Variants in SETD3 observed in about 807,000 individuals in gnomAD.
SETD3 encodes the protein actin-histidine N-methyltransferase.
A neutral mutation model predicts 63.0 loss-of-function variants in SETD3; 19 were observed. The observed-to-expected ratio is 0.30, with a 90% CI of 0.21 to 0.44. The LOEUF (loss-of-function observed/expected upper bound fraction) is 0.44, where lower values mean the gene tolerates loss of function less well. SETD3 is among the 20% of genes least tolerant of loss of function. SETD3 has a pLI of 1.00. For synonymous variants in SETD3, 286 were observed against 264.1 expected (o/e 1.08, Z -0.80); for missense variants, 587 against 728.5 (o/e 0.81, Z 2.24).
rs925387623 is a variant in SETD3, at chr14:99,405,085, G to A, written c.1091+120C>T. ...TGGCTTAAATTTGCTGTGCCACGGG[G>A]ATAAACGGATTAAGACAAACTACTG... On this transcript the variant is annotated intron_variant, in intron 10 of 12. Transcript: ENST00000331768. The A allele has an allele frequency of 4.4e-6, 6 of 1,371,924 alleles. No individual in the cohort carries two copies. In the African/African-American group the frequency reaches 8.8e-5, roughly 20 times the overall value. 85.0% of individuals were successfully genotyped at this position (1,371,924 alleles called of 1,614,324 possible). A position where few individuals can be genotyped will look rare whatever the true frequency, so the allele number is the denominator to read the frequency against.
At chr14:99,426,681 C>T (rs569500445) in intron 6 of SETD3, among the ~76,000 whole-genome samples, 1 of 152,324 alleles carries the variant, frequency 6.6e-6, no homozygotes, top group African/African-American at 2.4e-5. Context: ...TAAGAGACTG[C>T]CCATCTAGTA....
At chr14:99,481,258 T>A, upstream of SETD3, 1 of 395,892 alleles carries the variant, frequency 2.5e-6, no homozygotes, top group Non-Finnish European at 4.4e-6. Flanking sequence ...CAGCAGCCAC[T>A]GACCCGCGGG....
At chr14:99,442,935 A>G (rs1294458144) in intron 6 of SETD3, among the ~76,000 whole-genome samples, 2 of 152,160 alleles carry the variant, frequency 1.3e-5, no homozygotes, top group East Asian at 3.9e-4. Context: ...ACAGTGGCCC[A>G]AAGAACGACC....
chr14:99,432,828 C>T (rs918245150), intron 6 of SETD3, among the ~76,000 whole-genome samples: 4 of 152,234 alleles, frequency 2.6e-5, no homozygotes, highest in Middle Eastern at 3.4e-3. Flanking sequence ...GTTTACAGCA[C>T]CCCAGGCCCA....
intron 11 of SETD3, among the ~76,000 whole-genome samples, chr14:99,402,425 G>A (rs554284949): frequency 5.9e-5 from 9 of 152,180 alleles, no homozygotes; most frequent in Admixed American, 2.6e-4. Context: ...TAGTTTGTTC[G>A]TTTGTTTGTT....
At chr14:99,476,040 C>T (rs1401264951) in intron 1 of SETD3, among the ~76,000 whole-genome samples, 1 of 152,218 alleles carries the variant, frequency 6.6e-6, no homozygotes, top group African/African-American at 2.4e-5. Context: ...ATATGATCGT[C>T]CCCATCACAA....
intron 6 of SETD3, chr14:99,444,338 G>A: frequency 6.6e-6 from 1 of 152,136 alleles, no homozygotes; most frequent in Non-Finnish European, 1.5e-5. Context: ...TACTAAAACT[G>A]GAATAATACT....
intron 6 of SETD3, among the ~76,000 whole-genome samples, chr14:99,445,083 G>A (rs7147843): frequency 2.8e-4 from 43 of 151,970 alleles, no homozygotes; most frequent in African/African-American, 9.7e-4. Context: ...GGTAATATGC[G>A]ATGCAAATGC....
At chr14:99,430,915 CTCTAA>C (rs1465767423) in intron 6 of SETD3, among the ~76,000 whole-genome samples, 1 of 152,240 alleles carries the variant, frequency 6.6e-6, no homozygotes, top group Non-Finnish European at 1.5e-5. Context: ...CTCAAATCAG[CTCTAA>C]TCTAACAGTA....
Position 99,461,196 on chromosome 14 carries a change from A to G in SETD3, c.341T>C (p.Ile114Thr), listed in dbSNP as rs760487558. 1 of 1,613,806 alleles carries G rather than the reference A, an allele frequency of 6.2e-7. No individual in the cohort carries two copies. The highest frequency in any genetic ancestry group is 8.5e-7 in the Non-Finnish European group (1 of 1,179,928). ...ACCAACATTTTATAAACTCACCTTGATATCTCTTGTTGCTCTCAAACCAAA... is the reference window on the plus strand; with the variant it reads ...ACCAACATTTTATAAACTCACCTTGGTATCTCTTGTTGCTCTCAAACCAAA... ...EGFGLRATRD[I>T]KAEELFLWVP... Residue 114 changes from isoleucine (I) to threonine (T), a missense_variant, in exon 4 of 13, where the codon ATC becomes ACC. By Grantham distance (89) the Ile-to-Thr change is moderately conservative (BLOSUM62 -1). Transcript: ENST00000331768.
At chr14:99,416,779 AT>A (rs1328552535) in intron 6 of SETD3, among the ~76,000 whole-genome samples, 1 of 152,128 alleles carries the variant, frequency 6.6e-6, no homozygotes, top group Non-Finnish European at 1.5e-5. Context: ...AGTGATTAAT[AT>A]TTTTACTTTC....
chr14:99,415,164 G>C (rs1892224708), intron 6 of SETD3, among the ~76,000 whole-genome samples: 1 of 152,160 alleles, frequency 6.6e-6, no homozygotes, highest in Non-Finnish European at 1.5e-5. Context: ...CCGATCAACT[G>C]GGAACTTTGC....
At chr14:99,460,634 C>T (rs1166359062) in intron 4 of SETD3, among the ~76,000 whole-genome samples, 1 of 152,090 alleles carries the variant, frequency 6.6e-6, no homozygotes, top group African/African-American at 2.4e-5. Context: ...GAGAAGAGGC[C>T]AGGCATGGCC....
chr14:99,471,292 C>G (rs921731382), intron 1 of SETD3, among the ~76,000 whole-genome samples: 1 of 152,286 alleles, frequency 6.6e-6, no homozygotes, highest in African/African-American at 2.4e-5. Flanking sequence ...TCACATTGCT[C>G]CCAACAGTGA....
chr14:99,433,171 G>T, intron 6 of SETD3, among the ~76,000 whole-genome samples: 1 of 151,846 alleles, frequency 6.6e-6, no homozygotes, highest in East Asian at 1.9e-4. Flanking sequence ...CTGTTTGGGG[G>T]GATTAAAAAT....
At chr14:99,442,379 A>C (rs1035669593) in intron 6 of SETD3, among the ~76,000 whole-genome samples, 11 of 152,240 alleles carry the variant, frequency 7.2e-5, no homozygotes, top group Non-Finnish European at 1.6e-4. Flanking sequence ...AGAATGAAGG[A>C]AAGTCCTTGT....
At chr14:99,457,723 G>A (rs1478768659) in intron 6 of SETD3, among the ~76,000 whole-genome samples, 4 of 152,144 alleles carry the variant, frequency 2.6e-5, no homozygotes, top group Non-Finnish European at 5.9e-5. Context: ...GAAAGATAAC[G>A]GTGGCCACAC....
In SETD3 at chr14:99,399,140, C is replaced by T; in HGVS notation, c.1339-15G>A. The T allele has an allele frequency of 1.2e-6, 2 of 1,608,060 alleles. No homozygotes were observed. The highest frequency in any genetic ancestry group is 8.5e-7 in the Non-Finnish European group (1 of 1,175,638). ...GATTTATCTTCCTGGAAAACAAGAGCAAAATTAATTACAAGAAGTCTAAAC... is the reference window on the plus strand; with the variant it reads ...GATTTATCTTCCTGGAAAACAAGAGTAAAATTAATTACAAGAAGTCTAAAC... On this transcript the variant is annotated splice_polypyrimidine_tract_variant and intron_variant, in intron 12 of 12. Coordinates refer to ENST00000331768, the MANE Select transcript of SETD3 (RefSeq NM_032233.3).
At chr14:99,400,663 A>G (rs573498120) in intron 11 of SETD3, among the ~76,000 whole-genome samples, 2 of 152,338 alleles carry the variant, frequency 1.3e-5, no homozygotes, top group Admixed American at 1.3e-4. Context: ...TAGGTGAACG[A>G]TGTAAACGGT....
Sources: gnomAD v4.1 joint callset for allele counts (sites outside exome capture counted in the v4.1 genomes callset) on GRCh38, gnomAD v4.1.1 for gene constraint, MANE v1.5 for transcripts, NCBI Gene and HGNC (gene_info 2026-07-23, HGNC 2026-07-21) for gene names.